MCF2: variants seen among roughly 807,000 people sequenced by gnomAD.
The protein encoded by MCF2 is MCF.2 cell line derived transforming sequence.
In MCF2, 44 loss-of-function variants were observed where a neutral mutation model predicts 82.5. That is an observed-to-expected ratio of 0.53 (90% CI 0.42 to 0.69). The LOEUF (loss-of-function observed/expected upper bound fraction) is 0.69, where lower values mean the gene tolerates loss of function less well. Among genes scored for constraint, MCF2 ranks in the 30% least tolerant of loss-of-function variants. The pLI, the probability that MCF2 is intolerant of heterozygous loss-of-function variation, is 0.00. For synonymous variants in MCF2, 217 were observed against 224.9 expected (o/e 0.96, Z 0.32); for missense variants, 623 against 663.1 (o/e 0.94, Z 0.66).
chrX:139,687,468 T>C (rs999406686), intron 1 of MCF2, among the ~76,000 whole-genome samples: 3 of 112,973 alleles, frequency 2.7e-5, no homozygotes, highest in Admixed American at 9.3e-5. Context: ...CCTCATGGGA[T>C]TGGCCTCTGC....
At chrX:139,620,611 C>A (rs1932277607) in intron 6 of MCF2, among the ~76,000 whole-genome samples, 1 of 111,296 alleles carries the variant, frequency 9.0e-6, no homozygotes, top group South Asian at 3.7e-4. Context: ...ATTTCATTTA[C>A]AATGACCACA....
At chrX:139,599,241 G>A (rs892170087) in intron 16 of MCF2, among the ~76,000 whole-genome samples, 1 of 106,733 alleles carries the variant, frequency 9.4e-6, no homozygotes, top group African/African-American at 3.4e-5. Context: ...AAAAGTGATT[G>A]TGGTTTTTGC....
At chrX:139,665,705 G>T (rs1053701437) in intron 1 of MCF2, among the ~76,000 whole-genome samples, 3 of 108,729 alleles carry the variant, frequency 2.8e-5, no homozygotes, top group African/African-American at 1.0e-4. Context: ...GTTGAATTTG[G>T]TGTTCCTGCA....
chrX:139,622,597 A>G (rs1288881198), intron 6 of MCF2, among the ~76,000 whole-genome samples: 3 of 110,735 alleles, frequency 2.7e-5, no homozygotes, highest in Non-Finnish European at 5.7e-5. Flanking sequence ...GGATGAAGCT[A>G]GAAACCATCA....
At chrX:139,672,022 G>C (rs766106666) in intron 1 of MCF2, among the ~76,000 whole-genome samples, 1 of 111,142 alleles carries the variant, frequency 9.0e-6, no homozygotes, top group South Asian at 3.8e-4. Flanking sequence ...CTTGAAGAGG[G>C]ACTTCACATC....
At chrX:139,623,315 T>G (rs747136457) in intron 6 of MCF2, among the ~76,000 whole-genome samples, 3 of 111,850 alleles carry the variant, frequency 2.7e-5, no homozygotes, top group South Asian at 7.6e-4. Context: ...TAGCAAAGAC[T>G]TGGAATCAAC....
At chrX:139,626,224 T>C (rs1382808239) in exon 6 of MCF2, 2 of 1,201,598 alleles carry the variant, frequency 1.7e-6, no homozygotes, top group Non-Finnish European at 2.2e-6. Flanking sequence ...CTTCCATAGT[T>C]GCAGATACTG....
Position 139,708,041 on chromosome X carries a change from C to T in MCF2, c.-45+65G>A, listed in dbSNP as rs373362223. The T allele has an allele frequency of 4.5e-5, 5 of 111,357 alleles. No homozygotes were observed. The East Asian group carries it at 1.4e-3, about 31-fold the overall frequency. The allele number at this position is 111,357 out of a possible 1,213,427, so 9.2% of individuals were successfully genotyped here. A position where few individuals can be genotyped will look rare whatever the true frequency, so the allele number is the denominator to read the frequency against. ...GGGGATGCTATCTATAAAAATATTC[C>T]AAGACTGACCCACTCATTGCCCCAA... is the stretch of plus-strand genomic sequence containing the variant. On this transcript the variant is annotated intron_variant, in intron 1 of 27. Coordinates refer to the MCF2 transcript ENST00000414978.
chrX:139,673,249 A>G (rs151029151), intron 1 of MCF2, among the ~76,000 whole-genome samples: 35 of 110,971 alleles, frequency 3.2e-4, no homozygotes, highest in South Asian at 1.5e-3. Context: ...AATTTTGTCA[A>G]TCTTTCAAAA....
intron 6 of MCF2, among the ~76,000 whole-genome samples, chrX:139,625,406 T>A (rs767862422): frequency 8.9e-6 from 1 of 111,749 alleles, no homozygotes; most frequent in Non-Finnish European, 1.9e-5. Flanking sequence ...TTTCAAAAGA[T>A]GTTTGAATCA....
chrX:139,608,599 T>C (rs1931238347), intron 11 of MCF2, among the ~76,000 whole-genome samples: 1 of 111,340 alleles, frequency 9.0e-6, no homozygotes, highest in Non-Finnish European at 1.9e-5. Flanking sequence ...TAACATTTCT[T>C]TGGGACAACT....
chrX:139,612,548 A>AT (rs1931579838), intron 10 of MCF2, among the ~76,000 whole-genome samples: 1 of 111,151 alleles, frequency 9.0e-6, no homozygotes, highest in Non-Finnish European at 1.9e-5. Context: ...AAGAAAAAAA[A>AT]AAACTAAAAT....
At chrX:139,682,832 T>G (rs1228343616) in intron 1 of MCF2, among the ~76,000 whole-genome samples, 1 of 112,603 alleles carries the variant, frequency 8.9e-6, no homozygotes, top group Non-Finnish European at 1.9e-5. Context: ...TGTATTATTG[T>G]TTTCCCTTGG....
intron 10 of MCF2, among the ~76,000 whole-genome samples, chrX:139,614,243 T>C (rs1319959790): frequency 9.0e-6 from 1 of 111,687 alleles, no homozygotes; most frequent in East Asian, 2.8e-4. Context: ...AGATCTTACA[T>C]GGATAAAACT....
chrX:139,697,820 G>T (rs188068927), intron 1 of MCF2, among the ~76,000 whole-genome samples: 86 of 112,365 alleles, frequency 7.7e-4, no homozygotes, highest in African/African-American at 2.6e-3. Flanking sequence ...GATTTCTGTT[G>T]TGCTTTAAAA....
At chrX:139,667,486 G>A (rs1002464211) in intron 1 of MCF2, among the ~76,000 whole-genome samples, 8 of 111,604 alleles carry the variant, frequency 7.2e-5, no homozygotes, top group Non-Finnish European at 1.5e-4. Context: ...TTTGCAGGTA[G>A]GTGTCAGCTG....
intron 10 of MCF2, 89 bp from the exon 15 acceptor site, chrX:139,610,427 G>C (rs1215428968): frequency 1.9e-6 from 1 of 513,206 alleles, no homozygotes; most frequent in Non-Finnish European, 3.1e-6. Flanking sequence ...TAAATAACTT[G>C]AGTTAATATT....
chrX:139,584,549 A>T (rs1375524119), intron 24 of MCF2, among the ~76,000 whole-genome samples: 4 of 111,055 alleles, frequency 3.6e-5, no homozygotes, highest in Admixed American at 9.6e-5. Flanking sequence ...CCTTAAAGCA[A>T]CCTCCTTTAA....
At chrX:139,607,631 C>T in intron 12 of MCF2, 60 bp downstream of exon 16, 5 of 842,156 alleles carry the variant, frequency 5.9e-6, no homozygotes, top group Non-Finnish European at 6.8e-6. Flanking sequence ...GCCTTGAACA[C>T]TGAACCAGAC....
Sources: allele counts gnomAD v4.1 joint callset (sites outside exome capture counted in the v4.1 genomes callset), GRCh38; gene constraint gnomAD v4.1.1; transcripts MANE v1.5; gene names NCBI Gene and HGNC (gene_info 2026-07-23, HGNC 2026-07-21).